Variants in MYRIP observed in about 807,000 individuals in gnomAD.
MYRIP encodes the protein rab effector MyRIP.
Under a neutral mutation model 98.0 loss-of-function variants are expected in MYRIP, and 49 were observed. The observed-to-expected ratio is 0.50, with a 90% CI of 0.40 to 0.63. The LOEUF (loss-of-function observed/expected upper bound fraction) is 0.63. Ranked by LOEUF, MYRIP falls within the 30% of genes least tolerant of loss-of-function variation. The pLI is 0.00. For missense variants in MYRIP, 1,004 were observed against 1,058.2 expected, an observed-to-expected ratio of 0.95 and a Z score of 0.71; for synonymous variants, 404 against 409.5, an observed-to-expected ratio of 0.99 and a Z score of 0.16.
intron 10 of MYRIP, among the ~76,000 whole-genome samples, chr3:40,206,304 A>T (rs920512984): frequency 1.3e-5 from 2 of 152,296 alleles, no homozygotes; most frequent in Non-Finnish European, 2.9e-5. Flanking sequence ...AATCTACTTG[A>T]TGAATATTAT....
At position 39,888,253 on chromosome 3, in the gene MYRIP, G is replaced by A. The variant is rs1345552719; in HGVS notation, c.-30-12534G>A. 3.9e-5 allele frequency among the ~76,000 whole-genome samples: 6 copies of A among 151,970 alleles called. No individual in the cohort carries two copies. The South Asian group carries it at 1.2e-3, about 32-fold the overall frequency. On this transcript the variant is annotated intron_variant, in intron 1 of 16. Transcript: ENST00000302541. ...CTAAGCCAAAAGAACAAAGCTGGAG[G>A]CATCACACTACCTGATTTCAAACTA...
chr3:40,143,786 GT>G (rs1949958949), intron 3 of MYRIP, among the ~76,000 whole-genome samples: 1 of 152,102 alleles, frequency 6.6e-6, no homozygotes, highest in African/African-American at 2.4e-5. Flanking sequence ...TCATTTTTGT[GT>G]GTGACATAAA....
At chr3:40,094,339 C>G (rs1190961642) in intron 3 of MYRIP, among the ~76,000 whole-genome samples, 2 of 151,458 alleles carry the variant, frequency 1.3e-5, no homozygotes, top group East Asian at 3.9e-4. Flanking sequence ...GACTAAGAGG[C>G]TGAGCTGGAA....
chr3:39,841,351 A>G (rs776783753), intron 1 of MYRIP, among the ~76,000 whole-genome samples: 3 of 152,036 alleles, frequency 2.0e-5, no homozygotes, highest in Non-Finnish European at 4.4e-5. Context: ...CAGTTCCTGT[A>G]ACCTTTTATC....
intron 2 of MYRIP, among the ~76,000 whole-genome samples, chr3:40,034,294 A>T (rs1230671200): frequency 6.6e-6 from 1 of 152,170 alleles, no homozygotes; most frequent in Non-Finnish European, 1.5e-5. Flanking sequence ...CCACCTACAA[A>T]ATGGGAGAAA....
intron 12 of MYRIP, chr3:40,238,884 G>A (rs9682857): frequency 0.082 from 12,421 of 152,272 alleles, 777 homozygotes; most frequent in African/African-American, 0.18. Context: ...ATTAGCAGAT[G>A]GCATGGGTAT....
At chr3:40,024,398 AT>A (rs758364233) in intron 2 of MYRIP, among the ~76,000 whole-genome samples, 29 of 152,088 alleles carry the variant, frequency 1.9e-4, no homozygotes, top group Non-Finnish European at 3.4e-4. Context: ...GCTGGAGATG[AT>A]TGGGTGGTGG....
chr3:39,855,172 C>A (rs1369178481), intron 1 of MYRIP, among the ~76,000 whole-genome samples: 1 of 152,174 alleles, frequency 6.6e-6, no homozygotes, highest in African/African-American at 2.4e-5. Flanking sequence ...TTCTGGTTAG[C>A]CAAGACGTTG....
intron 3 of MYRIP, among the ~76,000 whole-genome samples, chr3:40,138,296 C>G (rs554864478): frequency 1.1e-4 from 16 of 152,278 alleles, no homozygotes; most frequent in African/African-American, 3.6e-4. Flanking sequence ...AGGGTCTGGT[C>G]TTTCTCTTGG....
At chr3:39,965,403 A>T (rs1265964562) in intron 2 of MYRIP, among the ~76,000 whole-genome samples, 2 of 152,152 alleles carry the variant, frequency 1.3e-5, no homozygotes, top group African/African-American at 4.8e-5. Flanking sequence ...GAGCTACTTA[A>T]TGATTTGCTG....
chr3:40,128,693 T>C (rs1490182409), intron 3 of MYRIP, among the ~76,000 whole-genome samples: 1 of 152,212 alleles, frequency 6.6e-6, no homozygotes. Flanking sequence ...TTATTGCCAT[T>C]GGGTACATTT....
intron 1 of MYRIP, among the ~76,000 whole-genome samples, chr3:39,886,955 C>T (rs896738718): frequency 1.7e-4 from 26 of 152,116 alleles, no homozygotes; most frequent in African/African-American, 5.5e-4. Flanking sequence ...CTCTCCTCAG[C>T]AAATGTAAAA....
At chr3:40,210,127 A>G (rs777249005) in intron 11 of MYRIP, 34 bp downstream of exon 11, 20 of 1,604,840 alleles carry the variant, frequency 1.2e-5, no homozygotes, top group Non-Finnish European at 8.5e-7. Flanking sequence ...AGACAGCTCA[A>G]GCTTCTGCAG....
At chr3:40,254,671 A>G (rs1953513972) in intron 16 of MYRIP, among the ~76,000 whole-genome samples, 1 of 152,112 alleles carries the variant, frequency 6.6e-6, no homozygotes, top group Non-Finnish European at 1.5e-5. Flanking sequence ...CTGAAAGGAG[A>G]GGCAGGCTTG....
intron 2 of MYRIP, among the ~76,000 whole-genome samples, chr3:40,028,411 C>T (rs1268168012): frequency 1.3e-5 from 2 of 152,134 alleles, no homozygotes; most frequent in Non-Finnish European, 2.9e-5. Flanking sequence ...GCATTATTGC[C>T]CAGACGCTAT....
intron 3 of MYRIP, chr3:40,099,906 T>G (rs897851016): frequency 3.7e-6 from 3 of 818,924 alleles, no homozygotes; most frequent in Admixed American, 6.2e-5. Context: ...TAAATGAGCT[T>G]TGGTGCCTCT....
At chr3:40,127,995 A>AT in intron 3 of MYRIP, among the ~76,000 whole-genome samples, 1 of 152,146 alleles carries the variant, frequency 6.6e-6, no homozygotes, top group Admixed American at 6.5e-5. Context: ...CCAATTGTCT[A>AT]TATTAGAGTC....
At chr3:39,985,223 T>A (rs1220207145) in intron 2 of MYRIP, among the ~76,000 whole-genome samples, 1 of 148,460 alleles carries the variant, frequency 6.7e-6, no homozygotes, top group Non-Finnish European at 1.5e-5. Context: ...TCAAAGAGAA[T>A]AAAATACCTA....
chr3:39,974,449 C>A lies in MYRIP; in HGVS notation c.111-69601C>A, dbSNP rs553860451. Among the ~76,000 whole-genome samples, 9 of 152,298 alleles carry A rather than the reference C, an allele frequency of 5.9e-5. No homozygotes were observed. In the South Asian group the frequency reaches 1.2e-3, roughly 21 times the overall value. On this transcript the variant is annotated intron_variant, in intron 2 of 16. Coordinates refer to ENST00000302541, the MANE Select transcript of MYRIP (RefSeq NM_015460.4). ...AAAAAAGTCCAGGACCAGATGGATT[C>A]ACAGCCAAATTCTACCAGAGGTACA...
Sources: gnomAD v4.1 joint callset for allele counts (sites outside exome capture counted in the v4.1 genomes callset) on GRCh38, gnomAD v4.1.1 for gene constraint, MANE v1.5 for transcripts, NCBI Gene and HGNC (gene_info 2026-07-23, HGNC 2026-07-21) for gene names.